The following CHST9 variants were observed in gnomAD, a reference collection of about 807,000 sequenced individuals.
CHST9 encodes GalNAc-4-sulfotransferase 2.
A neutral mutation model predicts 44.4 loss-of-function variants in CHST9; 41 were observed. That is an observed-to-expected ratio of 0.92 (90% confidence interval 0.72 to 1.20). The LOEUF is 1.20. Ranked by LOEUF, CHST9 falls within the 50% of genes most tolerant of loss-of-function variation. The probability of loss-of-function intolerance (pLI) is 0.00; values close to 1 mark genes in which losing one functional copy is unlikely to be tolerated. For missense variants in CHST9, 504 were observed against 516.5 expected, an observed-to-expected ratio of 0.98 and a Z score of 0.23; for synonymous variants, 171 against 178.4, an observed-to-expected ratio of 0.96 and a Z score of 0.33.
chr18:27,103,957 C>T (rs1341191699), intron 2 of CHST9, among the ~76,000 whole-genome samples: 1 of 152,134 alleles, frequency 6.6e-6, no homozygotes, highest in African/African-American at 2.4e-5. Context: ...TCAATACTAC[C>T]TGATGCAAGG....
intron 4 of CHST9, among the ~76,000 whole-genome samples, chr18:26,987,619 C>T (rs2056769179): frequency 6.6e-6 from 1 of 152,024 alleles, no homozygotes; most frequent in South Asian, 2.1e-4. Context: ...ATATTATACA[C>T]CAAGTGGTAC....
At chr18:27,001,779 G>A (rs574079827) in intron 4 of CHST9, among the ~76,000 whole-genome samples, 68 of 152,264 alleles carry the variant, frequency 4.5e-4, no homozygotes, top group African/African-American at 1.6e-3. Context: ...TATGACAGAA[G>A]TTTGGACTGG....
intron 4 of CHST9, among the ~76,000 whole-genome samples, chr18:26,988,315 G>A (rs2056777347): frequency 6.6e-6 from 1 of 152,006 alleles, no homozygotes; most frequent in Admixed American, 6.6e-5. Context: ...CTTTAAAAGG[G>A]CACTTCAAAT....
At chr18:27,041,103 G>A (rs954374611) in intron 3 of CHST9, among the ~76,000 whole-genome samples, 1 of 152,078 alleles carries the variant, frequency 6.6e-6, no homozygotes, top group South Asian at 2.1e-4. Flanking sequence ...CAACTTCCAC[G>A]ATAAATTAGT....
At chr18:26,968,221 T>C (rs1050037244) in intron 4 of CHST9, among the ~76,000 whole-genome samples, 1 of 152,200 alleles carries the variant, frequency 6.6e-6, no homozygotes, top group Non-Finnish European at 1.5e-5. Flanking sequence ...TAATACAGTA[T>C]GGAAATTGAA....
chr18:27,093,008 C>T (rs188828352), intron 2 of CHST9, among the ~76,000 whole-genome samples: 1 of 152,070 alleles, frequency 6.6e-6, no homozygotes, highest in Non-Finnish European at 1.5e-5. Flanking sequence ...TTGGAGTTTG[C>T]TGGAGTTCTA....
chr18:26,957,154 T>G (rs1476146046), intron 4 of CHST9, among the ~76,000 whole-genome samples: 1 of 152,088 alleles, frequency 6.6e-6, no homozygotes, highest in Admixed American at 6.6e-5. Flanking sequence ...GGTGCCTACC[T>G]CCAACCAACC....
intron 4 of CHST9, among the ~76,000 whole-genome samples, chr18:27,012,933 T>A (rs1485071912): frequency 6.6e-6 from 1 of 152,190 alleles, no homozygotes; most frequent in Non-Finnish European, 1.5e-5. Flanking sequence ...GTACATAGGA[T>A]CTAATTTTAC....
intron 2 of CHST9, among the ~76,000 whole-genome samples, chr18:27,101,489 G>T (rs368371065): frequency 0.023 from 3,421 of 147,638 alleles, 58 homozygotes; most frequent in Middle Eastern, 0.062. Context: ...GCTACTGGCG[G>T]GGGTGAGGGT....
chr18:26,984,602 T>C (rs1166064973), intron 4 of CHST9, among the ~76,000 whole-genome samples: 1 of 151,832 alleles, frequency 6.6e-6, no homozygotes, highest in East Asian at 1.9e-4. Context: ...TAGGAAGATA[T>C]TGCAATACAT....
intron 4 of CHST9, among the ~76,000 whole-genome samples, chr18:26,969,376 C>CTGTGTGTGTGTGTG (rs1208856677): frequency 0.01 from 984 of 95,650 alleles, 13 homozygotes; most frequent in African/African-American, 0.028. Context: ...CTCTCTCTCT[C>CTGTGTGTGTGTGTG]TGTGTGTGTG....
chr18:27,172,456 G>A (rs1193462785), intron 1 of CHST9, among the ~76,000 whole-genome samples: 3 of 151,904 alleles, frequency 2.0e-5, no homozygotes, highest in Non-Finnish European at 4.4e-5. Flanking sequence ...GGGGATAGGG[G>A]TATAAGAGCA....
intron 3 of CHST9, among the ~76,000 whole-genome samples, chr18:27,031,001 C>T (rs2057335119): frequency 6.6e-6 from 1 of 152,140 alleles, no homozygotes; most frequent in Non-Finnish European, 1.5e-5. Context: ...TAGTCCACCC[C>T]ACCCCCATCC....
intron 2 of CHST9, among the ~76,000 whole-genome samples, chr18:27,065,904 T>A (rs1489001483): frequency 1.3e-5 from 2 of 152,184 alleles, no homozygotes; most frequent in Non-Finnish European, 2.9e-5. Flanking sequence ...TTATGGCCCA[T>A]CTTGGGGTTG....
intron 4 of CHST9, among the ~76,000 whole-genome samples, chr18:26,969,357 T>A (rs1318530523): frequency 7.2e-6 from 1 of 138,424 alleles, no homozygotes; most frequent in Non-Finnish European, 1.5e-5. Context: ...CTTCCTTTTT[T>A]GATTCTCTCT....
intron 4 of CHST9, among the ~76,000 whole-genome samples, chr18:27,007,526 T>C (rs16960687): frequency 0.16 from 23,940 of 152,044 alleles, 2,088 homozygotes; most frequent in East Asian, 0.26. Flanking sequence ...AGAGCAGATA[T>C]AATCACTGTA....
intron 4 of CHST9, among the ~76,000 whole-genome samples, chr18:26,961,976 C>T (rs1163173124): frequency 1.3e-5 from 2 of 152,160 alleles, no homozygotes; most frequent in Non-Finnish European, 2.9e-5. Flanking sequence ...ATCAGTCCCT[C>T]CTCTCAGTCT....
chr18:27,184,335 G>A (rs1300088695), intron 1 of CHST9, among the ~76,000 whole-genome samples: 1 of 152,154 alleles, frequency 6.6e-6, no homozygotes, highest in African/African-American at 2.4e-5. Context: ...TGTGAACTTA[G>A]TTGGAAATAA....
chr18:27,087,732 A>T (rs1268458110), intron 2 of CHST9, among the ~76,000 whole-genome samples: 4 of 152,226 alleles, frequency 2.6e-5, no homozygotes, highest in Non-Finnish European at 5.9e-5. Context: ...TTAGCTAACA[A>T]TAGCTAACCA....
Sources: allele counts gnomAD v4.1 joint callset (sites outside exome capture counted in the v4.1 genomes callset), GRCh38; gene constraint gnomAD v4.1.1; transcripts MANE v1.5; gene names NCBI Gene and HGNC (gene_info 2026-07-23, HGNC 2026-07-21).